The following KAZN variants were observed in gnomAD, a reference collection of about 807,000 sequenced individuals.
KAZN encodes the protein kazrin.
Under a neutral mutation model 87.4 loss-of-function variants are expected in KAZN, and 40 were observed. The ratio of observed to expected loss-of-function variants is 0.46; its 90% CI spans 0.36 to 0.60. The LOEUF (loss-of-function observed/expected upper bound fraction) is 0.60. Ranked by LOEUF, KAZN falls within the 20% of genes least tolerant of loss-of-function variation. The probability of loss-of-function intolerance (pLI) is 0.00; values close to 1 mark genes in which losing one functional copy is unlikely to be tolerated. For missense variants in KAZN, 898 were observed against 1,073.9 expected (o/e 0.84, Z 2.29); for synonymous variants, 466 against 458.3 (o/e 1.02, Z -0.22).
chr1:14,395,810 A>G (rs185079335), intron 2 of KAZN, among the ~76,000 whole-genome samples: 11 of 152,268 alleles, frequency 7.2e-5, no homozygotes, highest in African/African-American at 2.2e-4. Context: ...GGGGGCACCA[A>G]ACAGGAGTGG....
chr1:14,388,699 C>T lies in KAZN; in HGVS notation c.249+208107C>T, dbSNP rs1268199894. ...CTCTAAAAATATACAAAAATCAAAT[C>T]AAGAAGAATTACAGACTTAAATATA... On this transcript the variant is annotated intron_variant, in intron 2 of 16. Coordinates refer to the KAZN transcript ENST00000636203. Among the ~76,000 whole-genome samples the T allele has an allele frequency of 4.6e-5, 7 of 152,048 alleles. No homozygotes were observed. In the East Asian group the frequency reaches 9.6e-4, roughly 21 times the overall value.
At chr1:14,052,613 G>A (rs554599454) in intron 1 of KAZN, among the ~76,000 whole-genome samples, 1 of 152,242 alleles carries the variant, frequency 6.6e-6, no homozygotes, top group Admixed American at 6.5e-5. Context: ...CAAATGCTTT[G>A]GGCCCTACTC....
intron 8 of KAZN, among the ~76,000 whole-genome samples, chr1:15,092,628 C>T (rs1267097854): frequency 5.3e-5 from 8 of 152,104 alleles, no homozygotes; most frequent in Non-Finnish European, 7.4e-5. Context: ...CACGCCACCA[C>T]GTCCAGCTAA....
chr1:14,738,192 G>A (rs553242482), intron 1 of KAZN, among the ~76,000 whole-genome samples: 3 of 152,262 alleles, frequency 2.0e-5, no homozygotes, highest in African/African-American at 4.8e-5. Flanking sequence ...ACAGGCTCTA[G>A]TAGATCTCAG....
At chr1:14,053,613 G>T (rs748807231) in intron 1 of KAZN, among the ~76,000 whole-genome samples, 1 of 152,154 alleles carries the variant, frequency 6.6e-6, no homozygotes, top group Non-Finnish European at 1.5e-5. Flanking sequence ...CCAGAACTAC[G>T]TTACAATCTT....
At chr1:14,187,817 A>G (rs1364050465) in intron 2 of KAZN, among the ~76,000 whole-genome samples, 2 of 152,196 alleles carry the variant, frequency 1.3e-5, no homozygotes, top group Non-Finnish European at 2.9e-5. Context: ...TTAATTATTT[A>G]TGGAACTCTT....
intron 1 of KAZN, among the ~76,000 whole-genome samples, chr1:13,973,627 C>T (rs900624736): frequency 6.6e-6 from 1 of 152,186 alleles, no homozygotes; most frequent in Admixed American, 6.5e-5. Flanking sequence ...CTGCATCATC[C>T]TATGTTGGTT....
chr1:13,920,731 A>G (rs1640034545), intron 1 of KAZN, among the ~76,000 whole-genome samples: 1 of 151,064 alleles, frequency 6.6e-6, no homozygotes, highest in East Asian at 1.9e-4. Flanking sequence ...GTTGGAGGGG[A>G]GGTTATCATG....
At chr1:15,029,812 C>T (rs937396220) in intron 2 of KAZN, among the ~76,000 whole-genome samples, 1 of 152,194 alleles carries the variant, frequency 6.6e-6, no homozygotes, top group African/African-American at 2.4e-5. Context: ...CCCTGCCAAC[C>T]AGAGGGCAGC....
At chr1:14,530,615 C>A (rs1435241906) in intron 2 of KAZN, among the ~76,000 whole-genome samples, 1 of 151,998 alleles carries the variant, frequency 6.6e-6, no homozygotes, top group Non-Finnish European at 1.5e-5. Flanking sequence ...GAGCCTGGCA[C>A]CTCCTCCTCT....
chr1:14,764,299 G>A (rs1352171059), intron 1 of KAZN, among the ~76,000 whole-genome samples: 2 of 151,716 alleles, frequency 1.3e-5, no homozygotes, highest in Admixed American at 6.6e-5. Context: ...TCAGGTCTTG[G>A]CTCAACTGTC....
At chr1:14,455,758 A>G (rs1380523624) in intron 2 of KAZN, among the ~76,000 whole-genome samples, 2 of 152,164 alleles carry the variant, frequency 1.3e-5, no homozygotes, top group Non-Finnish European at 2.9e-5. Context: ...GAGTTACTCT[A>G]ACCAGAGGAA....
intron 1 of KAZN, among the ~76,000 whole-genome samples, chr1:14,620,137 G>A (rs1032766841): frequency 7.9e-5 from 12 of 152,122 alleles, no homozygotes; most frequent in Middle Eastern, 3.2e-3. Flanking sequence ...GTATATATGC[G>A]TATTTTACAC....
chr1:14,668,054 A>G (rs561816127), intron 1 of KAZN, among the ~76,000 whole-genome samples: 17 of 152,268 alleles, frequency 1.1e-4, no homozygotes, highest in Middle Eastern at 3.4e-3. Flanking sequence ...AAAAACACCA[A>G]TTCTGAGGTT....
At chr1:14,413,589 A>C in intron 2 of KAZN, among the ~76,000 whole-genome samples, 1 of 125,304 alleles carries the variant, frequency 8.0e-6, no homozygotes, top group Non-Finnish European at 1.8e-5. Flanking sequence ...ACTCCGTCTC[A>C]AAAGAAAAAA....
Position 13,910,134 on chromosome 1 carries a change from G to T in KAZN, c.91+16378G>T, listed in dbSNP as rs79229481. 7.3e-3 allele frequency among the ~76,000 whole-genome samples: 1,115 copies of T among 152,228 alleles called. 60 individuals carry two copies. In the East Asian group the frequency reaches 0.13, roughly 18 times the overall value. On this transcript the variant is annotated intron_variant, in intron 1 of 16. Coordinates refer to the KAZN transcript ENST00000636203. ...GGGGGGAGGTGATTGGATCATAAAGGCAAGTTCTTATGGTTTAACACTATC... is the reference window on the plus strand; with the variant it reads ...GGGGGGAGGTGATTGGATCATAAAGTCAAGTTCTTATGGTTTAACACTATC...
At chr1:14,821,063 C>T (rs1646724522) in intron 1 of KAZN, among the ~76,000 whole-genome samples, 1 of 152,018 alleles carries the variant, frequency 6.6e-6, no homozygotes, top group South Asian at 2.1e-4. Flanking sequence ...AAATAGAAGT[C>T]CCAGAGATCA....
At chr1:14,388,046 C>T (rs61771862) in intron 2 of KAZN, among the ~76,000 whole-genome samples, 3 of 152,198 alleles carry the variant, frequency 2.0e-5, no homozygotes, top group East Asian at 1.9e-4. Context: ...ATCGGAAAAG[C>T]GCAGTATTCG....
At chr1:14,325,187 C>G (rs1285995780) in intron 2 of KAZN, among the ~76,000 whole-genome samples, 1 of 152,078 alleles carries the variant, frequency 6.6e-6, no homozygotes, top group Non-Finnish European at 1.5e-5. Context: ...CTCTCTCTCT[C>G]TCTTTTTCAC....
Sources: allele counts gnomAD v4.1 joint callset (sites outside exome capture counted in the v4.1 genomes callset), GRCh38; gene constraint gnomAD v4.1.1; transcripts MANE v1.5; gene names NCBI Gene and HGNC (gene_info 2026-07-23, HGNC 2026-07-21).